Variants in MTUS2 observed in about 807,000 individuals in gnomAD.
MTUS2 encodes microtubule-associated tumor suppressor candidate 2.
A neutral mutation model predicts 114.1 loss-of-function variants in MTUS2; 40 were observed. The ratio of observed to expected loss-of-function variants is 0.35; its 90% CI spans 0.27 to 0.46. The LOEUF (loss-of-function observed/expected upper bound fraction) is 0.46. MTUS2 is among the 20% of genes least tolerant of loss of function. The probability of loss-of-function intolerance (pLI) is 1.00; values close to 1 mark genes in which losing one functional copy is unlikely to be tolerated. For missense variants in MTUS2, 1,679 were observed against 1,705.4 expected (o/e 0.98, Z 0.27); for synonymous variants, 688 against 672.0 (o/e 1.02, Z -0.37).
intron 5 of MTUS2, among the ~76,000 whole-genome samples, chr13:29,249,294 G>A (rs918633199): frequency 6.6e-6 from 1 of 152,198 alleles, no homozygotes; most frequent in Non-Finnish European, 1.5e-5. Context: ...CAGCCAAAAC[G>A]AATGATTTAT....
chr13:29,392,846 A>G (rs192778809), intron 8 of MTUS2, among the ~76,000 whole-genome samples: 1 of 152,342 alleles, frequency 6.6e-6, no homozygotes, highest in Admixed American at 6.5e-5. Context: ...ATGCCACTGA[A>G]GTGTACTTAA....
At position 29,389,340 on chromosome 13, in the gene MTUS2, T is replaced by TAC. The variant is rs1566172431; in HGVS notation, c.3117+29867_3117+29868insAC. Among the ~76,000 whole-genome samples the TAC allele has an allele frequency of 1.9e-3, 109 of 56,028 alleles. 9 individuals carry two copies. In the East Asian group the frequency reaches 0.05, roughly 26 times the overall value. 36.8% of individuals were successfully genotyped at this position (56,028 alleles called of 152,430 possible). The stretch of plus-strand genomic sequence containing the variant: ...ATACACATATGTGTGTATATATGTA[T>TAC]GCACGTGTGTGTATATATGTATGCA... On this transcript the variant is annotated intron_variant, in intron 8 of 15. Transcript: ENST00000612955.
In MTUS2 at chr13:29,180,696, C is replaced by G. The variant is rs192062380; in HGVS notation, c.2644+79726C>G. Among the ~76,000 whole-genome samples the G allele has an allele frequency of 4.0e-4, 61 of 152,270 alleles. 1 individual carries two copies. The East Asian group carries it at 0.012, about 29-fold the overall frequency. On this transcript the variant is annotated intron_variant, in intron 5 of 15. Coordinates refer to ENST00000612955, the MANE Select transcript of MTUS2 (RefSeq NM_001033602.4). ...CTGGCTAGGCTATAAACTGGCTTCA[C>G]TTGAGTCCAGTGGCCACCTCTGGTT...
At chr13:29,302,796 G>A (rs1351236858) in intron 6 of MTUS2, among the ~76,000 whole-genome samples, 1 of 152,216 alleles carries the variant, frequency 6.6e-6, no homozygotes, top group South Asian at 2.1e-4. Context: ...TGCTCTACCA[G>A]ACAGCAGCCA....
In MTUS2 at chr13:29,498,400, GGCT is replaced by G. The variant is rs757947131; in HGVS notation, c.3679-17_3679-15del. 2 of 1,613,758 alleles carry G rather than the reference GGCT, an allele frequency of 1.2e-6. No homozygotes were observed. Among genetic ancestry groups the G allele is most frequent in the Non-Finnish European group, 1.7e-6 (2 of 1,179,826 alleles). ...CCGGGAATCCTGGTCAACAGCTCATGGCTCTCTGCCTCTGTAGATTGCATTGGC... is the reference window on the plus strand; with the variant it reads ...CCGGGAATCCTGGTCAACAGCTCATGCTCTGCCTCTGTAGATTGCATTGGC... On this transcript the variant is annotated splice_polypyrimidine_tract_variant and intron_variant, in intron 13 of 15. Transcript: ENST00000612955.
At chr13:29,045,275 T>C (rs1887562692) in intron 4 of MTUS2, among the ~76,000 whole-genome samples, 1 of 152,230 alleles carries the variant, frequency 6.6e-6, no homozygotes, top group Non-Finnish European at 1.5e-5. Context: ...AGGTGCTGGC[T>C]GATTTGGCTT....
intron 5 of MTUS2, among the ~76,000 whole-genome samples, chr13:29,257,552 G>A (rs1897320528): frequency 6.6e-6 from 1 of 152,198 alleles, no homozygotes; most frequent in Admixed American, 6.5e-5. Flanking sequence ...TAACGTGAAG[G>A]AGGGAGTGGC....
rs910935369 is a variant in MTUS2 at position 29,100,906 on chromosome 13, C to T, written c.2580C>T (p.Val860=). ...AAFGFVRSSS[V]SSVSSTQSGD... Reference sequence around the variant, plus strand: ...TTGGCTTTGTCCGGAGCTCCAGCGTCTCCTCAGTCTCCAGCACCCAGTCCG... The same window carrying T: ...TTGGCTTTGTCCGGAGCTCCAGCGTTTCCTCAGTCTCCAGCACCCAGTCCG... The change falls in exon 5 of 16, where the codon GTC becomes GTT. Residue 860 remains valine, a synonymous_variant. Coordinates refer to ENST00000612955, the MANE Select transcript of MTUS2 (RefSeq NM_001033602.4). 1.3e-6 allele frequency: 2 copies of T among 1,573,558 alleles called. No homozygotes were observed. The highest frequency in any genetic ancestry group is 1.3e-5 in the African/African-American group (1 of 74,106).
chr13:29,067,570 A>G (rs754333212), intron 4 of MTUS2, among the ~76,000 whole-genome samples: 4 of 152,190 alleles, frequency 2.6e-5, no homozygotes, highest in Non-Finnish European at 5.9e-5. Flanking sequence ...TGAGAAGTGA[A>G]TGGAAAGTGG....
At chr13:28,982,360 A>G (rs180863401) in intron 2 of MTUS2, among the ~76,000 whole-genome samples, 7 of 149,958 alleles carry the variant, frequency 4.7e-5, no homozygotes, top group East Asian at 2.0e-4. Flanking sequence ...AAAAAAAAAG[A>G]AAATAGCAAG....
chr13:28,833,121 G>A (rs1261627921), intron 1 of MTUS2, among the ~76,000 whole-genome samples: 1 of 151,942 alleles, frequency 6.6e-6, no homozygotes. Flanking sequence ...TGGCTTCAAC[G>A]GTAAATTCTA....
chr13:29,328,910 G>C (rs1218219068), intron 7 of MTUS2, among the ~76,000 whole-genome samples: 1 of 152,170 alleles, frequency 6.6e-6, no homozygotes, highest in Non-Finnish European at 1.5e-5. Flanking sequence ...ACCAGAGTCA[G>C]GTTGGAAAGC....
At chr13:29,321,210 C>A (rs960896599) in intron 6 of MTUS2, among the ~76,000 whole-genome samples, 3 of 151,862 alleles carry the variant, frequency 2.0e-5, no homozygotes, top group African/African-American at 7.3e-5. Context: ...GAAGACTGGA[C>A]AGGAGAAGGC....
intron 6 of MTUS2, among the ~76,000 whole-genome samples, chr13:29,313,915 G>T (rs1455014642): frequency 6.6e-6 from 1 of 152,104 alleles, no homozygotes; most frequent in East Asian, 1.9e-4. Context: ...TAGCATTTCT[G>T]GGGGAAATGA....
intron 7 of MTUS2, among the ~76,000 whole-genome samples, chr13:29,341,285 C>T (rs1334035170): frequency 6.6e-6 from 1 of 152,114 alleles, no homozygotes; most frequent in Admixed American, 6.5e-5. Flanking sequence ...ACAAGTGTTC[C>T]CTTTTCACAA....
chr13:29,241,936 G>A (rs1896749381), intron 5 of MTUS2, among the ~76,000 whole-genome samples: 1 of 152,006 alleles, frequency 6.6e-6, no homozygotes. Flanking sequence ...GTGCTGCCTT[G>A]CCTGCCACAC....
At chr13:29,116,581 G>A (rs1891094898) in intron 5 of MTUS2, among the ~76,000 whole-genome samples, 1 of 152,128 alleles carries the variant, frequency 6.6e-6, no homozygotes, top group Non-Finnish European at 1.5e-5. Flanking sequence ...GACACAGCAA[G>A]AGATTAAGAA....
At chr13:29,139,341 C>T (rs1423540675) in intron 5 of MTUS2, among the ~76,000 whole-genome samples, 2 of 152,140 alleles carry the variant, frequency 1.3e-5, no homozygotes, top group Non-Finnish European at 2.9e-5. Flanking sequence ...TTCTGTTTTC[C>T]TCTAGTGCTT....
intron 5 of MTUS2, among the ~76,000 whole-genome samples, chr13:29,107,469 A>T (rs1163924579): frequency 6.6e-6 from 1 of 152,174 alleles, no homozygotes. Flanking sequence ...TTTTTACTTT[A>T]TGCATGGATT....
Sources: gnomAD v4.1 joint callset for allele counts (sites outside exome capture counted in the v4.1 genomes callset) on GRCh38, gnomAD v4.1.1 for gene constraint, MANE v1.5 for transcripts, NCBI Gene and HGNC (gene_info 2026-07-23, HGNC 2026-07-21) for gene names.